The following ZNF804A variants were observed in gnomAD, a reference collection of about 807,000 sequenced individuals.
The protein encoded by ZNF804A is zinc finger protein 804A.
ZNF804A carries 2 observed loss-of-function variants against 16.5 expected under a neutral mutation model. The observed-to-expected ratio is 0.12, with a 90% CI of 0.05 to 0.38. The LOEUF (loss-of-function observed/expected upper bound fraction) is 0.38. ZNF804A is among the 10% of genes least tolerant of loss of function. The pLI is 0.99. For missense variants in ZNF804A, 1,473 were observed against 1,390.7 expected (o/e 1.06, Z -0.94); for synonymous variants, 534 against 489.6 (o/e 1.09, Z -1.20).
At chr2:184,609,785 T>A (rs956961870) in intron 1 of ZNF804A, among the ~76,000 whole-genome samples, 1 of 152,222 alleles carries the variant, frequency 6.6e-6, no homozygotes, top group Non-Finnish European at 1.5e-5. Flanking sequence ...TACCATCACA[T>A]TGGGAGTTAG....
At chr2:184,678,742 T>C (rs915491615) in intron 1 of ZNF804A, among the ~76,000 whole-genome samples, 3 of 152,154 alleles carry the variant, frequency 2.0e-5, no homozygotes, top group African/African-American at 7.2e-5. Context: ...ATGAACACAA[T>C]ATTAACATGA....
At chr2:184,839,022 G>T (rs956569804) in intron 1 of ZNF804A, among the ~76,000 whole-genome samples, 1 of 151,990 alleles carries the variant, frequency 6.6e-6, no homozygotes, top group African/African-American at 2.4e-5. Context: ...CCAGAGAATT[G>T]AACATTGAAA....
chr2:184,715,458 C>T (rs1208865972), intron 1 of ZNF804A, among the ~76,000 whole-genome samples: 4 of 152,152 alleles, frequency 2.6e-5, no homozygotes, highest in Non-Finnish European at 5.9e-5. Context: ...GATCATGGCT[C>T]TCACTGTTAC....
At chr2:184,872,685 C>G (rs1432977683) in intron 2 of ZNF804A, among the ~76,000 whole-genome samples, 4 of 152,060 alleles carry the variant, frequency 2.6e-5, no homozygotes, top group Non-Finnish European at 5.9e-5. Flanking sequence ...CAATTTGCCC[C>G]AAAACTGACC....
At chr2:184,926,323 C>T (rs887938794) in intron 2 of ZNF804A, among the ~76,000 whole-genome samples, 1 of 151,708 alleles carries the variant, frequency 6.6e-6, no homozygotes, top group African/African-American at 2.4e-5. Context: ...ATACATCATA[C>T]CACTCTCTCC....
intron 1 of ZNF804A, among the ~76,000 whole-genome samples, chr2:184,811,362 A>G (rs537299935): frequency 6.6e-6 from 1 of 152,322 alleles, no homozygotes; most frequent in East Asian, 1.9e-4. Context: ...TTAATTCATT[A>G]GTAAATTGAA....
intron 1 of ZNF804A, among the ~76,000 whole-genome samples, chr2:184,740,235 A>G (rs1693692217): frequency 6.6e-6 from 1 of 152,194 alleles, no homozygotes; most frequent in African/African-American, 2.4e-5. Context: ...ATTAAGGCTC[A>G]TGTGCATTTG....
intron 1 of ZNF804A, among the ~76,000 whole-genome samples, chr2:184,814,992 G>T (rs1694960037): frequency 6.6e-6 from 1 of 151,826 alleles, no homozygotes; most frequent in African/African-American, 2.4e-5. Context: ...GTTTTGCTTT[G>T]GAATTTACAA....
chr2:184,764,742 A>G (rs1381712851), intron 1 of ZNF804A, among the ~76,000 whole-genome samples: 1 of 152,198 alleles, frequency 6.6e-6, no homozygotes, highest in Non-Finnish European at 1.5e-5. Flanking sequence ...ATATTACCAA[A>G]TCATCCCCTT....
intron 1 of ZNF804A, among the ~76,000 whole-genome samples, chr2:184,765,258 G>A (rs1574201549): frequency 6.6e-6 from 1 of 152,136 alleles, no homozygotes; most frequent in Non-Finnish European, 1.5e-5. Context: ...AAGCATACAG[G>A]AGTAAATTGG....
chr2:184,773,165 G>A (rs111313640), intron 1 of ZNF804A, among the ~76,000 whole-genome samples: 22 of 150,530 alleles, frequency 1.5e-4, no homozygotes, highest in African/African-American at 4.4e-4. Context: ...ATTTTATAAT[G>A]GATTAGCTTA....
chr2:184,891,182 G>A (rs1433803989), intron 2 of ZNF804A, among the ~76,000 whole-genome samples: 1 of 152,128 alleles, frequency 6.6e-6, no homozygotes. Context: ...GTTCTCCATA[G>A]GTCCCACTAT....
intron 1 of ZNF804A, among the ~76,000 whole-genome samples, chr2:184,690,191 GAAAA>G (rs11447687): frequency 1.5e-5 from 2 of 137,792 alleles, no homozygotes; most frequent in South Asian, 4.6e-4. Context: ...AAAGTCTCAG[GAAAA>G]AAAAAAAAAG....
chr2:184,887,902 A>G (rs932742123), intron 2 of ZNF804A, among the ~76,000 whole-genome samples: 2 of 152,214 alleles, frequency 1.3e-5, no homozygotes, highest in African/African-American at 2.4e-5. Flanking sequence ...GAAGTCACTT[A>G]TAAGTGGGAG....
chr2:184,898,600 G>C (rs1439189581), intron 2 of ZNF804A, among the ~76,000 whole-genome samples: 1 of 151,978 alleles, frequency 6.6e-6, no homozygotes, highest in Non-Finnish European at 1.5e-5. Flanking sequence ...GTCTGAAGAA[G>C]AATTTGGAAA....
chr2:184,851,969 G>A (rs193160022), intron 1 of ZNF804A, among the ~76,000 whole-genome samples: 1 of 151,358 alleles, frequency 6.6e-6, no homozygotes, highest in African/African-American at 2.4e-5. Context: ...ATATCTTTGG[G>A]GCATTCGTAT....
chr2:184,736,893 G>A (rs1693624639), intron 1 of ZNF804A, among the ~76,000 whole-genome samples: 3 of 149,572 alleles, frequency 2.0e-5, no homozygotes, highest in South Asian at 2.1e-4. Flanking sequence ...CACTGGCCAG[G>A]ACTTCCAGTA....
intron 2 of ZNF804A, among the ~76,000 whole-genome samples, chr2:184,911,734 T>C (rs1574267621): frequency 6.6e-6 from 1 of 151,918 alleles, no homozygotes; most frequent in Non-Finnish European, 1.5e-5. Flanking sequence ...CTATTGTAAA[T>C]GGAATTATAT....
At chr2:184,835,566 C>T (rs1343095829) in intron 1 of ZNF804A, among the ~76,000 whole-genome samples, 1 of 151,724 alleles carries the variant, frequency 6.6e-6, no homozygotes, top group Non-Finnish European at 1.5e-5. Context: ...CAAGCCCTGC[C>T]TCCAGAGTCA....
Sources: gnomAD v4.1 joint callset for allele counts (sites outside exome capture counted in the v4.1 genomes callset) on GRCh38, gnomAD v4.1.1 for gene constraint, MANE v1.5 for transcripts, NCBI Gene and HGNC (gene_info 2026-07-23, HGNC 2026-07-21) for gene names.